The following SAMD5 variants were observed in gnomAD, a reference collection of about 807,000 sequenced individuals.
SAMD5 encodes sterile alpha motif domain containing 5.
A neutral mutation model predicts 11.3 loss-of-function variants in SAMD5; 13 were observed. That is an observed-to-expected ratio of 1.15 (90% CI 0.75 to 1.83). The LOEUF (loss-of-function observed/expected upper bound fraction) is 1.83. Ranked by LOEUF, SAMD5 falls within the 40% of genes most tolerant of loss-of-function variation. The probability of loss-of-function intolerance (pLI) is 0.00; values close to 1 mark genes in which losing one functional copy is unlikely to be tolerated. For synonymous variants in SAMD5, 129 were observed against 111.3 expected (o/e 1.16, Z -1.00); for missense variants, 255 against 239.1 (o/e 1.07, Z -0.44).
chr6:147,809,375 A>C, the SAMD5 span, among the ~76,000 whole-genome samples: 1 of 152,150 alleles, frequency 6.6e-6, no homozygotes, highest in Non-Finnish European at 1.5e-5. Flanking sequence ...AATGAAGAGA[A>C]AACAGAGTGG....
the SAMD5 span, among the ~76,000 whole-genome samples, chr6:147,824,062 C>A: frequency 6.6e-6 from 1 of 152,184 alleles, no homozygotes; most frequent in East Asian, 1.9e-4. Context: ...AAATGCAGAC[C>A]ATCCCCTGAG....
intron 1 of SAMD5, among the ~76,000 whole-genome samples, chr6:147,679,617 G>T (rs1790912700): frequency 6.6e-6 from 1 of 151,684 alleles, no homozygotes; most frequent in Non-Finnish European, 1.5e-5. Flanking sequence ...TTTTTCATTT[G>T]GAAAATAATT....
the SAMD5 span, among the ~76,000 whole-genome samples, chr6:147,748,388 C>G: frequency 6.6e-6 from 1 of 152,178 alleles, no homozygotes; most frequent in Admixed American, 6.5e-5. Context: ...AGTCTCCTCA[C>G]CTGTGCCAAG....
chr6:147,640,234 G>A (rs977608290), intron 1 of SAMD5, among the ~76,000 whole-genome samples: 2 of 151,722 alleles, frequency 1.3e-5, no homozygotes, highest in East Asian at 3.9e-4. Context: ...GCTGAGGCAG[G>A]AGAATCGCTT....
At chr6:147,838,274 C>A in the SAMD5 span, among the ~76,000 whole-genome samples, 1 of 151,962 alleles carries the variant, frequency 6.6e-6, no homozygotes, top group African/African-American at 2.4e-5. Context: ...TGACAAATAC[C>A]ATAAAATATG....
the SAMD5 span, among the ~76,000 whole-genome samples, chr6:147,794,753 T>C: frequency 3.3e-5 from 5 of 152,142 alleles, no homozygotes; most frequent in African/African-American, 1.2e-4. Flanking sequence ...AAAGAACAGA[T>C]GTACAATATT....
chr6:147,764,669 A>G, the SAMD5 span, among the ~76,000 whole-genome samples: 2 of 152,300 alleles, frequency 1.3e-5, no homozygotes, highest in African/African-American at 4.8e-5. Context: ...TACATCCCAT[A>G]TTCTTCAGTC....
intron 1 of SAMD5, among the ~76,000 whole-genome samples, chr6:147,652,990 T>C (rs1446169052): frequency 2.0e-5 from 3 of 152,168 alleles, no homozygotes; most frequent in African/African-American, 4.8e-5. Flanking sequence ...CCAACCTTCC[T>C]AGTTTACACA....
intron 1 of SAMD5, among the ~76,000 whole-genome samples, chr6:147,557,487 C>T (rs1292129236): frequency 1.3e-5 from 2 of 152,188 alleles, no homozygotes; most frequent in East Asian, 3.9e-4. Flanking sequence ...TTCCAGCTTC[C>T]AGTGGCTTCT....
chr6:147,608,792 A>C (rs1279137341), intron 1 of SAMD5, among the ~76,000 whole-genome samples: 1 of 152,188 alleles, frequency 6.6e-6, no homozygotes, highest in Non-Finnish European at 1.5e-5. Context: ...AAATAATGTA[A>C]ACAGTGTAAT....
Position 147,509,369 on chromosome 6 carries a change from GC to G in SAMD5, c.446del (p.Pro149ArgfsTer12). ...LVRDGIHLSK[P>X]PYSRKVPMAG... ...TCCGTGACGGCATCCACCTGAGCAA[GC>G]CCCCGTACTCCCGCAAGGTAAGGAG... is the stretch of plus-strand genomic sequence containing the variant. On this transcript the variant is annotated frameshift_variant, in exon 1 of 2. Coordinates refer to ENST00000367474, the MANE Select transcript of SAMD5 (RefSeq NM_001030060.3). LOFTEE classifies it high-confidence loss of function. 2 of 1,564,410 alleles carry G rather than the reference GC, an allele frequency of 1.3e-6. No individual in the cohort carries two copies. Among genetic ancestry groups the G allele is most frequent in the Non-Finnish European group, 1.7e-6 (2 of 1,156,710 alleles).
intron 1 of SAMD5, among the ~76,000 whole-genome samples, chr6:147,575,735 G>T (rs1789208216): frequency 6.6e-6 from 1 of 152,150 alleles, no homozygotes; most frequent in African/African-American, 2.4e-5. Context: ...TTGACTCTCT[G>T]CTAATATTAT....
At chr6:147,757,632 G>A in the SAMD5 span, among the ~76,000 whole-genome samples, 2 of 152,282 alleles carry the variant, frequency 1.3e-5, no homozygotes, top group East Asian at 3.9e-4. Flanking sequence ...AGAGTGATAG[G>A]TGTCTGTGGA....
intron 1 of SAMD5, among the ~76,000 whole-genome samples, chr6:147,617,835 G>C (rs529692192): frequency 6.6e-6 from 1 of 152,288 alleles, no homozygotes; most frequent in African/African-American, 2.4e-5. Flanking sequence ...AATAATGCCT[G>C]TTTCCATAAC....
At chr6:147,729,147 C>G (rs1426315779) in intron 1 of SAMD5, among the ~76,000 whole-genome samples, 1 of 152,178 alleles carries the variant, frequency 6.6e-6, no homozygotes, top group Non-Finnish European at 1.5e-5. Context: ...TGTATGCAAA[C>G]ATTCCTTGTG....
intron 1 of SAMD5, among the ~76,000 whole-genome samples, chr6:147,645,802 A>G (rs1028716825): frequency 6.6e-6 from 1 of 152,188 alleles, no homozygotes; most frequent in Non-Finnish European, 1.5e-5. Context: ...ACCCAGTGCT[A>G]TCAGACCTTA....
chr6:147,920,993 C>T, the SAMD5 span, among the ~76,000 whole-genome samples: 2 of 152,156 alleles, frequency 1.3e-5, no homozygotes, highest in African/African-American at 4.8e-5. Context: ...TCTTAAAAAT[C>T]TCAAACCTAA....
the SAMD5 span, among the ~76,000 whole-genome samples, chr6:147,899,837 G>C: frequency 7.2e-5 from 11 of 152,272 alleles, no homozygotes; most frequent in Admixed American, 7.2e-4. Context: ...TCACACTCTA[G>C]GTAGAGTTAA....
chr6:147,628,400 A>C (rs1230980381), intron 1 of SAMD5, among the ~76,000 whole-genome samples: 2 of 152,218 alleles, frequency 1.3e-5, no homozygotes, highest in Non-Finnish European at 2.9e-5. Flanking sequence ...ATTCCAACCT[A>C]GTATAAGACA....
Sources: gnomAD v4.1 joint callset for allele counts (sites outside exome capture counted in the v4.1 genomes callset) on GRCh38, gnomAD v4.1.1 for gene constraint, MANE v1.5 for transcripts, NCBI Gene and HGNC (gene_info 2026-07-23, HGNC 2026-07-21) for gene names.